The following MACF1 variants were observed in gnomAD, a reference collection of about 807,000 sequenced individuals.
MACF1 encodes microtubule-actin cross-linking factor 1.
A neutral mutation model predicts 854.8 loss-of-function variants in MACF1; 193 were observed. The observed-to-expected ratio is 0.23, with a 90% CI of 0.20 to 0.25. MACF1 has a LOEUF of 0.25. Ranked by LOEUF, MACF1 falls within the 10% of genes least tolerant of loss-of-function variation. The pLI, the probability that MACF1 is intolerant of heterozygous loss-of-function variation, is 1.00. For missense variants in MACF1, 7,722 were observed against 8,929.1 expected (o/e 0.86, Z 5.45); for synonymous variants, 3,185 against 3,226.7 (o/e 0.99, Z 0.44).
chr1:39,326,059 G>A (rs1262006726), intron 35 of MACF1, among the ~76,000 whole-genome samples: 4 of 152,124 alleles, frequency 2.6e-5, no homozygotes, highest in Admixed American at 2.6e-4. Flanking sequence ...CGAGTGGAGA[G>A]TGCAAGGATA....
chr1:39,448,013 T>G lies in MACF1; in HGVS notation c.19969-20T>G. 6.2e-7 allele frequency: 1 copy of G among 1,613,752 alleles called. No individual in the cohort carries two copies. The highest frequency in any genetic ancestry group is 8.5e-7 in the Non-Finnish European group (1 of 1,179,868). ...GTGTGTATATTCATTCCTGTTAACT[T>G]ATTTCTTATGTAATTTTAGTTCCAT... On this transcript the variant is annotated intron_variant, in intron 82 of 100. Coordinates refer to ENST00000564288, the MANE Select transcript of MACF1 (RefSeq NM_001394062.1).
intron 74 of MACF1, among the ~76,000 whole-genome samples, 154 bp from the exon 75 acceptor site, chr1:39,441,798 G>C (rs1237493819): frequency 6.6e-6 from 1 of 152,144 alleles, no homozygotes; most frequent in African/African-American, 2.4e-5. Context: ...TTAATATAAA[G>C]ATCATTATTC....
chr1:39,269,702 A>G (rs1258304376), intron 6 of MACF1: 9 of 1,289,536 alleles, frequency 7.0e-6, no homozygotes, highest in Non-Finnish European at 9.1e-6. Context: ...GCCACACCCC[A>G]TCATGGGGTC....
At chr1:39,339,443 A>G (rs1438323223) in intron 38 of MACF1, among the ~76,000 whole-genome samples, 1 of 152,330 alleles carries the variant, frequency 6.6e-6, no homozygotes, top group Non-Finnish European at 1.5e-5. Flanking sequence ...ATTGAGTACA[A>G]TGAGGACTGA....
At chr1:39,189,863 A>G (rs1479183672) in intron 2 of MACF1, among the ~76,000 whole-genome samples, 3 of 152,250 alleles carry the variant, frequency 2.0e-5, no homozygotes, top group Non-Finnish European at 2.9e-5. Flanking sequence ...GGATAGTAGC[A>G]TAAGACTGGC....
At chr1:39,434,716 G>T in intron 69 of MACF1, 84 bp downstream of exon 69, 1 of 1,164,314 alleles carries the variant, frequency 8.6e-7, no homozygotes, top group Non-Finnish European at 1.2e-6. Context: ...AGTGTCTATA[G>T]GTGCAAGTTC....
Position 39,251,915 on chromosome 1 carries a change from C to T in MACF1, c.331C>T (p.Gln111Ter). ...PSWCHTNNEE[Q>*]AEEDDDDVPR... ...CTGGTGCCATACAAACAACGAGGAGCAGGCGGAGGAAGATGATGATGATGT... is the reference window on the plus strand; with the variant it reads ...CTGGTGCCATACAAACAACGAGGAGTAGGCGGAGGAAGATGATGATGATGT... The change falls in exon 4 of 101, where the codon CAG becomes TAG. Residue 111 changes from glutamine (Q) to a stop codon, truncating the protein, a stop_gained. Transcript: ENST00000564288. LOFTEE classifies it high-confidence loss of function. The T allele has an allele frequency of 6.6e-7, 1 of 1,517,932 alleles. No individual in the cohort carries two copies. Among genetic ancestry groups the T allele is most frequent in the Middle Eastern group, 1.8e-4 (1 of 5,656 alleles). The allele number at this position is 1,517,932 out of a possible 1,614,324, so 94.0% of individuals were successfully genotyped here. A position where few individuals can be genotyped will look rare whatever the true frequency, so the allele number is the denominator to read the frequency against.
chr1:39,309,289 G>A (rs934215457), intron 23 of MACF1, among the ~76,000 whole-genome samples: 2 of 150,944 alleles, frequency 1.3e-5, no homozygotes, highest in African/African-American at 4.9e-5. Flanking sequence ...ATAGAGATGA[G>A]GTCTCACTAT....
chr1:39,084,905 T>C lies in MACF1; in HGVS notation c.220+467T>C, dbSNP rs879848786. On this transcript the variant is annotated intron_variant, in intron 2 of 93. Transcript: ENST00000361689. This position sits in a 1 kb window ranked among gnomAD's most constrained non-coding sequence, Gnocchi z 5.2. ...TTAGACAATGCTGCTGAGAACATGGTTAAGAATGATTTGACTTCTGTTATT... is the reference window on the plus strand; with the variant it reads ...TTAGACAATGCTGCTGAGAACATGGCTAAGAATGATTTGACTTCTGTTATT... 6.6e-6 allele frequency among the ~76,000 whole-genome samples: 1 copy of C among 152,204 alleles called. No individual in the cohort carries two copies. The highest frequency in any genetic ancestry group is 1.5e-5 in the Non-Finnish European group (1 of 68,046).
chr1:39,267,374 G>A (rs1645245918), intron 6 of MACF1, among the ~76,000 whole-genome samples: 1 of 152,148 alleles, frequency 6.6e-6, no homozygotes, highest in Admixed American at 6.6e-5. Context: ...GGGACTAAGG[G>A]CGCATGCCAC....
rs558677682 is a variant in MACF1, at chr1:39,409,517, T to TGCCC, written c.15817-12845_15817-12842dup. On this transcript the variant is annotated intron_variant, in intron 58 of 100. Transcript: ENST00000564288. The surrounding 1 kb of genome is among the most constrained non-coding windows in gnomAD (Gnocchi z 4.2). ...CCGACAGACCCGCGGCCGCTGCTGCTGCCCGCCCGCCCGCCTGCCTTTCCG... is the reference window on the plus strand; with the variant it reads ...CCGACAGACCCGCGGCCGCTGCTGCTGCCCGCCCGCCCGCCCGCCTGCCTTTCCG... The TGCCC allele has an allele frequency of 9.3e-4, 141 of 152,166 alleles. No homozygotes were observed. Among genetic ancestry groups the TGCCC allele is most frequent in the African/African-American group, 2.7e-3 (111 of 41,484 alleles). The allele number at this position is 152,166 out of a possible 1,614,324, so 9.4% of individuals were successfully genotyped here.
Position 39,105,621 on chromosome 1 carries a change from G to A in MACF1, c.220+21183G>A. On this transcript the variant is annotated intron_variant, in intron 2 of 93. Transcript: ENST00000361689. The surrounding 1 kb of genome is among the most constrained non-coding windows in gnomAD (Gnocchi z 5.9). The stretch of plus-strand genomic sequence containing the variant: ...GCTCGGCGAGAAGGCGGTGCGGGCG[G>A]CCATGGCCGGCTACGTGCCGGGTCA... 1 of 1,227,512 alleles carries A rather than the reference G, an allele frequency of 8.1e-7. No individual in the cohort carries two copies. The allele number at this position is 1,227,512 out of a possible 1,614,324, so 76.0% of individuals were successfully genotyped here. A position where few individuals can be genotyped will look rare whatever the true frequency, so the allele number is the denominator to read the frequency against.
chr1:39,151,102 T>TTC (rs1643569109), intron 2 of MACF1, among the ~76,000 whole-genome samples: 1 of 152,190 alleles, frequency 6.6e-6, no homozygotes, highest in Non-Finnish European at 1.5e-5. Context: ...AAACCTGCTT[T>TTC]TCTCTCTCTT....
chr1:39,420,304 A>G (rs1418387013), intron 58 of MACF1, among the ~76,000 whole-genome samples: 2 of 152,086 alleles, frequency 1.3e-5, no homozygotes, highest in Non-Finnish European at 2.9e-5. Flanking sequence ...TTGCCTTTTC[A>G]TTCCTTCACC....
intron 6 of MACF1, among the ~76,000 whole-genome samples, chr1:39,280,370 G>A (rs1021804835): frequency 1.1e-4 from 17 of 152,100 alleles, no homozygotes; most frequent in Non-Finnish European, 2.2e-4. Flanking sequence ...TCTCAGATTT[G>A]GAAGTTATTT....
chr1:39,312,847 A>G (rs949276272), intron 26 of MACF1, among the ~76,000 whole-genome samples: 1 of 152,234 alleles, frequency 6.6e-6, no homozygotes, highest in Non-Finnish European at 1.5e-5. Context: ...ACAAGCAAAC[A>G]AACATTGATA....
In MACF1 at chr1:39,485,655, C is replaced by T. The variant is rs1645092382; in HGVS notation, c.22529C>T (p.Ala7510Val). ...TTTGACCTCTTAGAGACGCAGTCTGCTTGTTCCGACACTTCAGAAAGCAGC... is the reference window on the plus strand; with the variant it reads ...TTTGACCTCTTAGAGACGCAGTCTGTTTGTTCCGACACTTCAGAAAGCAGC... ...SDFDLLETQS[A>V]CSDTSESSAA... The change falls in exon 101 of 101, where the codon GCT (alanine) becomes GTT (valine). Residue 7510 changes from alanine (A) to valine (V), a missense_variant. Coordinates refer to ENST00000564288, the MANE Select transcript of MACF1 (RefSeq NM_001394062.1). The T allele has an allele frequency of 5.6e-6, 9 of 1,614,158 alleles. No individual in the cohort carries two copies. The highest frequency in any genetic ancestry group is 1.1e-5 in the South Asian group (1 of 91,078).
Position 39,322,897 on chromosome 1 carries a change from T to G in MACF1, c.4138-13T>G. 6.2e-7 allele frequency: 1 copy of G among 1,609,888 alleles called. No individual in the cohort carries two copies. The highest frequency in any genetic ancestry group is 1.1e-5 in the South Asian group (1 of 91,016). ...GGCAGACGATTTATTTAAATTGTTC[T>G]TTTGAACCACAGTTCATGGACTTAA... On this transcript the variant is annotated splice_polypyrimidine_tract_variant and intron_variant, in intron 32 of 100. Transcript: ENST00000564288.
Position 39,411,518 on chromosome 1 carries a change from G to A in MACF1, c.15817-10856G>A, listed in dbSNP as rs768785579. 21 of 1,613,750 alleles carry A rather than the reference G, an allele frequency of 1.3e-5. No individual in the cohort carries two copies. The East Asian group carries it at 4.7e-4, about 36-fold the overall frequency. On this transcript the variant is annotated intron_variant, in intron 58 of 100. Transcript: ENST00000564288. ...GTTCCCAAGGATATACCCCTGGATT[G>A]CGATTGTGTTCTTACAGGTGAGGAT... is the stretch of plus-strand genomic sequence containing the variant.
Sources: gnomAD v4.1 joint callset for allele counts (sites outside exome capture counted in the v4.1 genomes callset) on GRCh38, gnomAD v4.1.1 for gene constraint, Gnocchi (gnomAD v3.1) non-coding constraint, MANE v1.5 for transcripts, NCBI Gene and HGNC (gene_info 2026-07-23, HGNC 2026-07-21) for gene names.